The following NMRAL1 variants were observed in gnomAD, a reference collection of about 807,000 sequenced individuals.
The protein encoded by NMRAL1 is nmrA-like family domain-containing protein 1.
Under a neutral mutation model 27.5 loss-of-function variants are expected in NMRAL1, and 32 were observed. The observed-to-expected ratio is 1.16, with a 90% CI of 0.88 to 1.56. The LOEUF (loss-of-function observed/expected upper bound fraction) is 1.56. NMRAL1 is among the 40% of genes most tolerant of loss of function. The pLI is 0.00. For missense variants in NMRAL1, 420 were observed against 392.0 expected, an observed-to-expected ratio of 1.07 and a Z score of -0.60; for synonymous variants, 166 against 166.8, an observed-to-expected ratio of 1.00 and a Z score of 0.04.
Position 4,463,661 on chromosome 16 carries a change from T to C in NMRAL1, c.719A>G (p.Lys240Arg). The C allele has an allele frequency of 6.2e-7, 1 of 1,613,106 alleles. No individual in the cohort carries two copies. Among genetic ancestry groups the C allele is most frequent in the Non-Finnish European group, 8.5e-7 (1 of 1,179,904 alleles). The stretch of plus-strand genomic sequence containing the variant: ...AGTCACCTGGGGCGGGAGGCCCACC[T>C]TGGCATCGTGCACGACCTTGCGGGT... Reference protein sequence around the residue: ...KHTRKVVHDAKMTPEDYEKLG... With the variant: ...KHTRKVVHDARMTPEDYEKLG... The change falls in exon 5 of 6, where the codon AAG (lysine) becomes AGG (arginine). Residue 240 changes from lysine (K) to arginine (R), a missense_variant and splice_region_variant. Transcript: ENST00000283429.
chr16:4,469,599 T>G (rs755982179), intron 2 of NMRAL1, 134 bp from the exon 3 acceptor site: 1 of 1,502,768 alleles, frequency 6.7e-7, no homozygotes, highest in South Asian at 1.3e-5. Flanking sequence ...CTCATTCAGG[T>G]ATTTTTATTT....
intron 2 of NMRAL1, among the ~76,000 whole-genome samples, chr16:4,472,581 T>C (rs1052432495): frequency 5.3e-5 from 8 of 151,832 alleles, no homozygotes; most frequent in Non-Finnish European, 1.2e-4. Flanking sequence ...CCATCTCTAT[T>C]AAAAATACAA....
At chr16:4,463,249 C>T (rs2057177665) in intron 5 of NMRAL1, among the ~76,000 whole-genome samples, 4 of 152,214 alleles carry the variant, frequency 2.6e-5, no homozygotes, top group Admixed American at 2.6e-4. Context: ...AGGCCTCCTG[C>T]CCACCCAGCC....
intron 3 of NMRAL1, among the ~76,000 whole-genome samples, chr16:4,468,557 A>T (rs4786498): frequency 6.7e-6 from 1 of 150,322 alleles, no homozygotes; most frequent in East Asian, 2.0e-4. Context: ...CAGAGGTTGC[A>T]GTGAGCCGAG....
In NMRAL1 at chr16:4,463,759, G is replaced by GT. The variant is rs781055920; in HGVS notation, c.620dup (p.Tyr207Ter). 3.8e-5 allele frequency: 62 copies of GT among 1,613,932 alleles called. No individual in the cohort carries two copies. Among genetic ancestry groups the GT allele is most frequent in the Non-Finnish European group, 5.2e-5 (61 of 1,179,992 alleles). Residue 207 changes from tyrosine to a stop codon, truncating the protein, a stop_gained and frameshift_variant, in exon 5 of 6, where the codon TAC (tyrosine) becomes TAAC (stop). Transcript: ENST00000283429. LOFTEE classifies it high-confidence loss of function. ...VLSLLKMPEK[Y>*]VGQNIGLSTC... is the part of the protein sequence containing the mutation. ...TGCTCAGCCCGATGTTCTGGCCGACGTATTTTTCTGGCATCTTCAAAAGGC... is the reference window on the plus strand; with the variant it reads ...TGCTCAGCCCGATGTTCTGGCCGACGTTATTTTTCTGGCATCTTCAAAAGGC...
Position 4,466,649 on chromosome 16 carries a change from G to A in NMRAL1, c.280-247C>T, listed in dbSNP as rs192835850. 18 of 531,800 alleles carry A rather than the reference G, an allele frequency of 3.4e-5. No homozygotes were observed. The East Asian group carries it at 3.9e-4, about 12-fold the overall frequency. 32.9% of individuals were successfully genotyped at this position (531,800 alleles called of 1,614,324 possible). ...CACCATGTGCAACATAGGACGGGGG[G>A]GCAGGTCGGCTGCAGGGGGACGGCC... On this transcript the variant is annotated intron_variant, in intron 3 of 5. Coordinates refer to ENST00000283429, the MANE Select transcript of NMRAL1 (RefSeq NM_020677.6).
chr16:4,476,250 G>A (rs1298827082), upstream of NMRAL1: 5 of 152,314 alleles, frequency 3.3e-5, no homozygotes, highest in African/African-American at 4.8e-5. Context: ...GCTGAGCAGA[G>A]CCTGAGCCTG....
intron 3 of NMRAL1, 111 bp from the exon 4 acceptor site, chr16:4,466,513 T>A: frequency 1.9e-6 from 2 of 1,034,736 alleles, no homozygotes; most frequent in South Asian, 1.5e-5. Flanking sequence ...GGTTAACATC[T>A]AGACCCCACT....
intron 4 of NMRAL1, among the ~76,000 whole-genome samples, chr16:4,465,147 G>C (rs1423597571): frequency 6.7e-6 from 1 of 149,088 alleles, no homozygotes; most frequent in African/African-American, 2.5e-5. Context: ...CTCCTGAACT[G>C]GTGGTCTGCC....
intron 2 of NMRAL1, among the ~76,000 whole-genome samples, chr16:4,470,752 C>G (rs2057531627): frequency 6.6e-6 from 1 of 151,870 alleles, no homozygotes; most frequent in African/African-American, 2.4e-5. Flanking sequence ...TCGAGACCAT[C>G]CTGGCTAACA....
At chr16:4,466,439 A>T in intron 3 of NMRAL1, 37 bp from the exon 4 acceptor site, 1 of 1,599,404 alleles carries the variant, frequency 6.3e-7, no homozygotes, top group Non-Finnish European at 8.5e-7. Context: ...AAGGCTCAGA[A>T]GAAGGATGTC....
intron 2 of NMRAL1, among the ~76,000 whole-genome samples, chr16:4,473,027 G>A (rs1032661736): frequency 6.8e-6 from 1 of 148,124 alleles, no homozygotes; most frequent in Non-Finnish European, 1.5e-5. Flanking sequence ...CCAGGCTGGA[G>A]TGCAGTGGCA....
chr16:4,474,438 T>C, intron 1 of NMRAL1, 116 bp downstream of exon 1: 1 of 397,854 alleles, frequency 2.5e-6, no homozygotes, highest in African/African-American at 2.1e-5. Context: ...CGCCGCGGCC[T>C]GGGCGGGACA....
intron 3 of NMRAL1, among the ~76,000 whole-genome samples, chr16:4,468,017 G>A (rs534701929): frequency 1.7e-4 from 26 of 152,172 alleles, no homozygotes; most frequent in African/African-American, 6.3e-4. Flanking sequence ...AAGATCTGCT[G>A]GGCTGGGCGC....
intron 3 of NMRAL1, among the ~76,000 whole-genome samples, chr16:4,468,106 C>T (rs1205118185): frequency 6.6e-6 from 1 of 151,676 alleles, no homozygotes; most frequent in Admixed American, 6.6e-5. Flanking sequence ...TAGAGACCAG[C>T]TTGACCAACA....
intron 4 of NMRAL1, among the ~76,000 whole-genome samples, chr16:4,464,791 T>C (rs529151346): frequency 6.7e-6 from 1 of 150,342 alleles, no homozygotes; most frequent in Non-Finnish European, 1.5e-5. Flanking sequence ...AGTTTTTGTA[T>C]TTTTAGTAGA....
intron 3 of NMRAL1, chr16:4,467,084 G>A (rs2057358747): frequency 1.3e-5 from 2 of 152,260 alleles, no homozygotes; most frequent in Admixed American, 1.3e-4. Context: ...CAGTAACCAG[G>A]GTACTTATAA....
chr16:4,474,244 C>T, intron 1 of NMRAL1, 78 bp from the exon 2 acceptor site: 1 of 1,057,290 alleles, frequency 9.5e-7, no homozygotes, highest in Non-Finnish European at 1.4e-6. Context: ...CCCCCATTGT[C>T]TATGCATCGA....
At chr16:4,465,668 G>A (rs985524592) in intron 4 of NMRAL1, among the ~76,000 whole-genome samples, 1 of 152,118 alleles carries the variant, frequency 6.6e-6, no homozygotes. Context: ...CTGGGTTCAA[G>A]CGATTCCCCT....
Sources: gnomAD v4.1 joint callset for allele counts (sites outside exome capture counted in the v4.1 genomes callset) on GRCh38, gnomAD v4.1.1 for gene constraint, MANE v1.5 for transcripts, NCBI Gene and HGNC (gene_info 2026-07-23, HGNC 2026-07-21) for gene names.